Variants in UBE3D observed in about 807,000 individuals in gnomAD.
UBE3D encodes the protein E3 ubiquitin-protein ligase E3D.
In UBE3D, 48 loss-of-function variants were observed where a neutral mutation model predicts 49.6. The ratio of observed to expected loss-of-function variants is 0.97; its 90% confidence interval spans 0.77 to 1.23. The LOEUF (loss-of-function observed/expected upper bound fraction) is 1.23, where lower values mean the gene tolerates loss of function less well. Among genes scored for constraint, UBE3D ranks in the 50% most tolerant of loss-of-function variants. The pLI is 0.00. For synonymous variants in UBE3D, 189 were observed against 174.2 expected (o/e 1.08, Z -0.67); for missense variants, 452 against 468.4 (o/e 0.96, Z 0.32).
At position 83,022,543 on chromosome 6, in the gene UBE3D, G is replaced by T; in HGVS notation, c.756C>A (p.Ser252Arg). ...GCTGCACCAGACACTGGGCGATCAC[G>T]CTCTGGACAAACCAAGACCTGTTTG... ...PIIPRSWFVQ[S>R]VIAQCLVQLS... The change falls in exon 7 of 10, where the codon AGC (serine) becomes AGA (arginine). Residue 252 changes from serine (S) to arginine (R), a missense_variant. Ser to Arg is a moderately radical substitution (Grantham distance 110). Coordinates refer to ENST00000369747, the MANE Select transcript of UBE3D (RefSeq NM_198920.3). 1 of 1,594,620 alleles carries T rather than the reference G, an allele frequency of 6.3e-7. No homozygotes were observed. Among genetic ancestry groups the T allele is most frequent in the Non-Finnish European group, 8.5e-7 (1 of 1,173,268 alleles).
At chr6:83,023,120 G>A (rs1468393882) in intron 6 of UBE3D, among the ~76,000 whole-genome samples, 1 of 152,156 alleles carries the variant, frequency 6.6e-6, no homozygotes, top group Non-Finnish European at 1.5e-5. Context: ...GCAAACTAAA[G>A]AGTCAAAGAA....
intron 8 of UBE3D, among the ~76,000 whole-genome samples, chr6:83,006,922 A>T (rs1437453691): frequency 6.6e-6 from 1 of 152,222 alleles, no homozygotes; most frequent in Non-Finnish European, 1.5e-5. Flanking sequence ...GTTTTTAAAC[A>T]TAATTTTTAA....
At chr6:82,947,067 C>G (rs1368949724) in intron 9 of UBE3D, among the ~76,000 whole-genome samples, 1 of 151,744 alleles carries the variant, frequency 6.6e-6, no homozygotes, top group Non-Finnish European at 1.5e-5. Flanking sequence ...TCAATAACAA[C>G]ACTGAATATA....
chr6:83,046,391 A>G (rs1783032344), intron 3 of UBE3D, among the ~76,000 whole-genome samples: 1 of 152,280 alleles, frequency 6.6e-6, no homozygotes, highest in East Asian at 1.9e-4. Flanking sequence ...TTAGTTTAAC[A>G]TAAGGAAGAA....
At chr6:82,986,628 GA>G (rs1018561133) in intron 8 of UBE3D, among the ~76,000 whole-genome samples, 1 of 147,786 alleles carries the variant, frequency 6.8e-6, no homozygotes, top group African/African-American at 2.5e-5. Flanking sequence ...TAGGTGACTT[GA>G]AAAAAATATA....
At chr6:82,944,831 C>A (rs1040438327) in intron 9 of UBE3D, among the ~76,000 whole-genome samples, 22 of 152,236 alleles carry the variant, frequency 1.4e-4, no homozygotes, top group African/African-American at 5.3e-4. Context: ...TGGCAGTACT[C>A]CCTATGGGTT....
At chr6:83,009,794 T>C (rs962374333) in intron 8 of UBE3D, among the ~76,000 whole-genome samples, 3 of 148,676 alleles carry the variant, frequency 2.0e-5, no homozygotes, top group East Asian at 4.0e-4. Flanking sequence ...TTGACTATAG[T>C]ACAAGGTTAA....
At chr6:82,946,686 A>T (rs1426286326) in intron 9 of UBE3D, among the ~76,000 whole-genome samples, 2 of 152,144 alleles carry the variant, frequency 1.3e-5, no homozygotes, top group African/African-American at 2.4e-5. Context: ...ATCAAAAATA[A>T]CTACAACAAC....
In UBE3D at chr6:83,049,173, C is replaced by A. The variant is rs1212519193; in HGVS notation, c.366-4514G>T. ...AATGAAGAATGTGAAAATAAAGGAA[C>A]ATACATAAGGAAAATAAAATTATGC... On this transcript the variant is annotated intron_variant, in intron 3 of 9. Coordinates refer to ENST00000369747, the MANE Select transcript of UBE3D (RefSeq NM_198920.3). 2.0e-5 allele frequency among the ~76,000 whole-genome samples: 3 copies of A among 152,034 alleles called. No homozygotes were observed. The East Asian group carries it at 5.8e-4, about 29-fold the overall frequency.
chr6:83,007,953 T>TAA (rs74516915), intron 8 of UBE3D, among the ~76,000 whole-genome samples: 8 of 151,896 alleles, frequency 5.3e-5, no homozygotes, highest in African/African-American at 1.2e-4. Flanking sequence ...TCAAAAAAAG[T>TAA]AAAAAATATA....
At chr6:83,024,150 A>G in intron 5 of UBE3D, 112 bp from the exon 6 acceptor site, 1 of 527,968 alleles carries the variant, frequency 1.9e-6, no homozygotes, top group Non-Finnish European at 3.2e-6. Context: ...ATACTGGTAA[A>G]ATTAATATTC....
At chr6:83,025,436 A>AT (rs57648092) in intron 5 of UBE3D, among the ~76,000 whole-genome samples, 2 of 150,024 alleles carry the variant, frequency 1.3e-5, no homozygotes, top group African/African-American at 4.9e-5. Flanking sequence ...TCAAAATAAG[A>AT]TTTTTTTTTT....
At chr6:82,908,854 G>A (rs1772294393) in intron 9 of UBE3D, among the ~76,000 whole-genome samples, 1 of 152,116 alleles carries the variant, frequency 6.6e-6, no homozygotes, top group African/African-American at 2.4e-5. Flanking sequence ...TATTTATACA[G>A]CCAGGGCACA....
intron 9 of UBE3D, among the ~76,000 whole-genome samples, chr6:82,895,351 T>A (rs148811654): frequency 1.3e-5 from 2 of 152,112 alleles, no homozygotes; most frequent in African/African-American, 4.8e-5. Flanking sequence ...ATTTTAGCTA[T>A]ACAGAATAGT....
the UBE3D span, among the ~76,000 whole-genome samples, chr6:82,885,699 A>G: frequency 1.3e-5 from 2 of 152,184 alleles, no homozygotes; most frequent in Non-Finnish European, 2.9e-5. Context: ...GTTGTGCCTG[A>G]GCACTGAGAA....
At chr6:83,065,614 G>T (rs1471835726) in intron 1 of UBE3D, 28 bp downstream of exon 1, 2 of 1,610,762 alleles carry the variant, frequency 1.2e-6, no homozygotes, top group African/African-American at 2.7e-5. Context: ...AGCGAGCTGG[G>T]CACTGCGCCT....
At chr6:82,995,729 T>C (rs1402988224) in intron 8 of UBE3D, among the ~76,000 whole-genome samples, 1 of 152,016 alleles carries the variant, frequency 6.6e-6, no homozygotes, top group African/African-American at 2.4e-5. Flanking sequence ...ACGCGTCAAC[T>C]AGAAAAGCCC....
chr6:82,948,799 T>C (rs1775584753), intron 9 of UBE3D, among the ~76,000 whole-genome samples: 1 of 151,714 alleles, frequency 6.6e-6, no homozygotes, highest in Admixed American at 6.6e-5. Flanking sequence ...GTGCTAAAAA[T>C]GCATCTGGAA....
At chr6:83,050,246 T>A (rs201118000) in intron 3 of UBE3D, among the ~76,000 whole-genome samples, 16 of 146,554 alleles carry the variant, frequency 1.1e-4, no homozygotes, top group South Asian at 2.2e-4. Flanking sequence ...CTTTTTTATT[T>A]AAAAAAAAAA....
Sources: gnomAD v4.1 joint callset for allele counts (sites outside exome capture counted in the v4.1 genomes callset) on GRCh38, gnomAD v4.1.1 for gene constraint, MANE v1.5 for transcripts, NCBI Gene and HGNC (gene_info 2026-07-23, HGNC 2026-07-21) for gene names.